Variants in MCPH1 observed in about 807,000 individuals in gnomAD.
MCPH1 encodes the protein microcephalin 1.
In MCPH1, 104 loss-of-function variants were observed where a neutral mutation model predicts 84.5. That is an observed-to-expected ratio of 1.23 (90% CI 1.05 to 1.45). The LOEUF (loss-of-function observed/expected upper bound fraction) is 1.45, where lower values mean the gene tolerates loss of function less well. Among genes scored for constraint, MCPH1 ranks in the 40% most tolerant of loss-of-function variants. The probability of loss-of-function intolerance (pLI) is 0.00; values close to 1 mark genes in which losing one functional copy is unlikely to be tolerated. For synonymous variants in MCPH1, 514 were observed against 366.8 expected, an observed-to-expected ratio of 1.40 and a Z score of -4.58; for missense variants, 1,498 against 1,005.7, an observed-to-expected ratio of 1.49 and a Z score of -6.62.
intron 12 of MCPH1, among the ~76,000 whole-genome samples, chr8:6,588,388 T>C (rs970024984): frequency 1.3e-5 from 2 of 151,800 alleles, no homozygotes; most frequent in African/African-American, 2.4e-5. Flanking sequence ...AAAAAGAAAA[T>C]TGTGCTTAGG....
intron 12 of MCPH1, among the ~76,000 whole-genome samples, chr8:6,530,603 C>G (rs1471031086): frequency 1.3e-5 from 2 of 150,018 alleles, no homozygotes; most frequent in Non-Finnish European, 3.0e-5. Context: ...GATATATTGA[C>G]TTTTAAATCT....
Position 6,638,411 on chromosome 8 carries a change from G to A in MCPH1, c.2453-4583G>A, listed in dbSNP as rs114272734. On this transcript the variant is annotated intron_variant, in intron 13 of 13. Coordinates refer to ENST00000344683, the MANE Select transcript of MCPH1 (RefSeq NM_024596.5). ...TAACCACACTTGGATGCTGGCAATC[G>A]CAGTTTTAGTTAAATAAAGTGACTT... Among the ~76,000 whole-genome samples the A allele has an allele frequency of 5.3e-3, 806 of 152,046 alleles. 10 individuals are homozygous for A. The highest frequency in any genetic ancestry group is 0.017 in the African/African-American group (698 of 41,480).
At chr8:6,444,328 T>G in intron 7 of MCPH1, 65 bp from the exon 8 acceptor site, 1 of 1,596,378 alleles carries the variant, frequency 6.3e-7, no homozygotes, top group Admixed American at 1.7e-5. Flanking sequence ...ATTGGTCAAC[T>G]GAAAGTTGAA....
chr8:6,427,363 A>G (rs1418979357), intron 3 of MCPH1, among the ~76,000 whole-genome samples: 1 of 152,082 alleles, frequency 6.6e-6, no homozygotes, highest in Non-Finnish European at 1.5e-5. Flanking sequence ...GAGCAACTGT[A>G]TTAACTGATA....
chr8:6,462,718 T>G (rs1279056897), intron 9 of MCPH1, among the ~76,000 whole-genome samples: 1 of 152,188 alleles, frequency 6.6e-6, no homozygotes, highest in Non-Finnish European at 1.5e-5. Context: ...TATACTTCTT[T>G]GTGTATAAAA....
intron 3 of MCPH1, among the ~76,000 whole-genome samples, chr8:6,424,629 G>C (rs1018805902): frequency 5.9e-5 from 9 of 152,198 alleles, no homozygotes; most frequent in Non-Finnish European, 2.9e-5. Flanking sequence ...AGTTTGGAAC[G>C]GTCTGATGTG....
intron 3 of MCPH1, among the ~76,000 whole-genome samples, chr8:6,425,578 T>A (rs1456266547): frequency 6.6e-6 from 1 of 152,182 alleles, no homozygotes; most frequent in Non-Finnish European, 1.5e-5. Flanking sequence ...ATCTTATCAC[T>A]CTGAAGGATA....
chr8:6,595,688 C>T (rs1175400405), intron 12 of MCPH1, among the ~76,000 whole-genome samples: 1 of 152,210 alleles, frequency 6.6e-6, no homozygotes, highest in Non-Finnish European at 1.5e-5. Context: ...ACAAGGTCTT[C>T]AGAGCATCAT....
intron 13 of MCPH1, among the ~76,000 whole-genome samples, chr8:6,636,301 C>T (rs1797550663): frequency 1.3e-5 from 2 of 149,922 alleles, no homozygotes; most frequent in Non-Finnish European, 2.9e-5. Context: ...GATTTCACCA[C>T]TGCACTCCAG....
Position 6,442,061 on chromosome 8 carries a change from T to G in MCPH1, c.581-6T>G. On this transcript the variant is annotated splice_polypyrimidine_tract_variant and splice_region_variant and intron_variant, in intron 6 of 13. Transcript: ENST00000344683. ...ATCTAATGCAGTGTCTTGGTCCTGT[T>G]TTTAGCTTCCCAAATGATTCAGCAG... is the stretch of plus-strand genomic sequence containing the variant. 6.2e-7 allele frequency: 1 copy of G among 1,607,994 alleles called. No homozygotes were observed. Among genetic ancestry groups the G allele is most frequent in the Non-Finnish European group, 8.5e-7 (1 of 1,174,508 alleles).
intron 8 of MCPH1, chr8:6,446,639 T>G: frequency 1.0e-6 from 1 of 981,794 alleles, no homozygotes; most frequent in Non-Finnish European, 1.2e-6. Context: ...AAAGTTAATA[T>G]AAAACAATAG....
intron 12 of MCPH1, among the ~76,000 whole-genome samples, chr8:6,576,683 T>TTG (rs1827144025): frequency 8.3e-5 from 1 of 12,094 alleles, no homozygotes; most frequent in South Asian, 7.9e-3. Flanking sequence ...AATTTTTGTA[T>TTG]TTTTTTTTTT....
chr8:6,483,260 G>T (rs905678339), intron 11 of MCPH1, among the ~76,000 whole-genome samples: 1 of 152,196 alleles, frequency 6.6e-6, no homozygotes, highest in Non-Finnish European at 1.5e-5. Flanking sequence ...CCAAAATGAT[G>T]TATAGATTTA....
intron 3 of MCPH1, among the ~76,000 whole-genome samples, chr8:6,424,373 C>G (rs1456576450): frequency 1.3e-5 from 2 of 152,172 alleles, no homozygotes; most frequent in Non-Finnish European, 2.9e-5. Context: ...GCCATCACCC[C>G]CTGCATTTAG....
chr8:6,623,850 A>G (rs1483342920), intron 13 of MCPH1, among the ~76,000 whole-genome samples: 1 of 152,204 alleles, frequency 6.6e-6, no homozygotes, highest in Admixed American at 6.5e-5. Flanking sequence ...GAAGTGTATT[A>G]TCAAAATGCC....
chr8:6,636,103 C>T (rs1050916320), intron 13 of MCPH1, among the ~76,000 whole-genome samples: 1 of 152,160 alleles, frequency 6.6e-6, no homozygotes, highest in African/African-American at 2.4e-5. Context: ...CTTTGGGAGG[C>T]CAAGGCGGGC....
At chr8:6,447,737 A>G (rs1381822436) in intron 8 of MCPH1, among the ~76,000 whole-genome samples, 3 of 152,124 alleles carry the variant, frequency 2.0e-5, no homozygotes, top group Non-Finnish European at 4.4e-5. Context: ...TTTTTAGTAG[A>G]GATGGGGTTT....
intron 12 of MCPH1, among the ~76,000 whole-genome samples, chr8:6,590,869 G>C (rs1183137262): frequency 2.6e-5 from 4 of 152,136 alleles, no homozygotes; most frequent in African/African-American, 9.7e-5. Flanking sequence ...TCAAGGCCCT[G>C]GTCTTCTTTT....
intron 12 of MCPH1, among the ~76,000 whole-genome samples, chr8:6,599,157 A>C (rs1431796130): frequency 2.0e-5 from 3 of 152,224 alleles, no homozygotes; most frequent in African/African-American, 7.2e-5. Context: ...TCCTCTTCCT[A>C]ATCTCAGTAT....
Sources: allele counts gnomAD v4.1 joint callset (sites outside exome capture counted in the v4.1 genomes callset), GRCh38; gene constraint gnomAD v4.1.1; transcripts MANE v1.5; gene names NCBI Gene and HGNC (gene_info 2026-07-23, HGNC 2026-07-21).